Variants in IQCH observed in about 807,000 individuals in gnomAD.
IQCH encodes the protein IQ motif containing H.
IQCH carries 98 observed loss-of-function variants against 117.0 expected under a neutral mutation model. That is an observed-to-expected ratio of 0.84 (90% CI 0.71 to 0.99). IQCH has a LOEUF of 0.99. IQCH is among the 50% of genes least tolerant of loss of function. IQCH has a pLI of 0.00. For synonymous variants in IQCH, 412 were observed against 448.2 expected (o/e 0.92, Z 1.02); for missense variants, 1,102 against 1,243.8 (o/e 0.89, Z 1.72).
At position 67,426,321 on chromosome 15, in the gene IQCH, C is replaced by A. The variant is rs1284332468; in HGVS notation, c.2505+4744C>A. 6.6e-6 allele frequency among the ~76,000 whole-genome samples: 1 copy of A among 152,182 alleles called. No homozygotes were observed. Among genetic ancestry groups the A allele is most frequent in the African/African-American group, 2.4e-5 (1 of 41,450 alleles). ...TGTGCATCTATAACTATTTCTATAT[C>A]TATCAAGTGTTTATATTATAAAACC... On this transcript the variant is annotated intron_variant, in intron 16 of 20. Transcript: ENST00000335894. This position sits in a 1 kb window ranked among gnomAD's most constrained non-coding sequence, Gnocchi z 5.1.
chr15:67,269,260 C>T (rs67872952), intron 3 of IQCH, among the ~76,000 whole-genome samples: 34,804 of 152,064 alleles, frequency 0.23, 4,460 homozygotes, highest in East Asian at 0.47. Context: ...CACTATAATA[C>T]TCAGTGCTAA....
intron 4 of IQCH, among the ~76,000 whole-genome samples, chr15:67,310,223 A>C (rs1211934217): frequency 1.3e-5 from 2 of 152,132 alleles, no homozygotes; most frequent in Non-Finnish European, 2.9e-5. Context: ...ATAAAGAAGA[A>C]TACCTACATA....
chr15:67,468,106 G>C (rs1567213441), intron 17 of IQCH, among the ~76,000 whole-genome samples: 1 of 152,206 alleles, frequency 6.6e-6, no homozygotes, highest in Non-Finnish European at 1.5e-5. Flanking sequence ...TCGCCTAACA[G>C]TGTTTTAACT....
intron 4 of IQCH, among the ~76,000 whole-genome samples, chr15:67,318,974 C>G: frequency 6.6e-6 from 1 of 152,192 alleles, no homozygotes; most frequent in East Asian, 1.9e-4. Flanking sequence ...CGCCTGTAAT[C>G]CCAGCACTTT....
intron 14 of IQCH, among the ~76,000 whole-genome samples, chr15:67,409,440 G>A (rs1405599565): frequency 1.3e-5 from 2 of 152,152 alleles, no homozygotes; most frequent in South Asian, 2.1e-4. Context: ...GTTTGTGGTC[G>A]GGGGCAAAGC....
Position 67,490,806 on chromosome 15 carries a change from C to T in IQCH, c.2861+742C>T, listed in dbSNP as rs906963091. On this transcript the variant is annotated intron_variant, in intron 19 of 20. Coordinates refer to ENST00000335894, the MANE Select transcript of IQCH (RefSeq NM_001031715.3). This position sits in a 1 kb window ranked among gnomAD's most constrained non-coding sequence, Gnocchi z 4.9. ...GATCCAGTTTCAACCCGGGCGCAGT[C>T]TTCTCAAGGTACGCATGCACTGAGC... is the stretch of plus-strand genomic sequence containing the variant. Among the ~76,000 whole-genome samples the T allele has an allele frequency of 7.2e-5, 11 of 152,200 alleles. No homozygotes were observed. Among genetic ancestry groups the T allele is most frequent in the African/African-American group, 2.7e-4 (11 of 41,452 alleles).
chr15:67,371,464 A>G lies in IQCH; in HGVS notation c.754-647A>G. Reference sequence around the variant, plus strand: ...TAATCCACCTGGGACAGCCCCAGATATGTTCCTAAGAAGAAACCAGACTTA... The same window carrying G: ...TAATCCACCTGGGACAGCCCCAGATGTGTTCCTAAGAAGAAACCAGACTTA... On this transcript the variant is annotated intron_variant, in intron 8 of 20. Transcript: ENST00000335894. The G allele has an allele frequency of 5.1e-6, 8 of 1,562,766 alleles. No homozygotes were observed. In the South Asian group the frequency reaches 8.8e-5, roughly 17 times the overall value.
At chr15:67,300,835 T>G (rs76706072) in intron 4 of IQCH, among the ~76,000 whole-genome samples, 1,585 of 152,310 alleles carry the variant, frequency 0.01, 26 homozygotes, top group African/African-American at 0.037. Flanking sequence ...AACCCTAGTT[T>G]TAATAGCATA....
Position 67,431,070 on chromosome 15 carries a change from G to C in IQCH, c.2505+9493G>C, listed in dbSNP as rs1007327472. Among the ~76,000 whole-genome samples the C allele has an allele frequency of 1.3e-5, 2 of 152,170 alleles. No individual in the cohort carries two copies. The highest frequency in any genetic ancestry group is 4.8e-5 in the African/African-American group (2 of 41,422). On this transcript the variant is annotated intron_variant, in intron 16 of 20. Coordinates refer to ENST00000335894, the MANE Select transcript of IQCH (RefSeq NM_001031715.3). This position sits in a 1 kb window ranked among gnomAD's most constrained non-coding sequence, Gnocchi z 4.8. The stretch of plus-strand genomic sequence containing the variant: ...TAGGATATGAGGAGGGTAAGAAAGA[G>C]TGTATTCCAAGTGAGAAACAGGCTC...
chr15:67,415,565 A>G (rs2081555557), intron 14 of IQCH, among the ~76,000 whole-genome samples: 1 of 152,168 alleles, frequency 6.6e-6, no homozygotes, highest in Non-Finnish European at 1.5e-5. Flanking sequence ...GTGGGTTGTC[A>G]GTGGGCACTG....
At chr15:67,321,806 T>C (rs1968147447) in intron 4 of IQCH, among the ~76,000 whole-genome samples, 1 of 152,200 alleles carries the variant, frequency 6.6e-6, no homozygotes, top group Non-Finnish European at 1.5e-5. Flanking sequence ...TCCCTTTCCA[T>C]ATTCATATCT....
chr15:67,444,670 G>C (rs1320475289), intron 16 of IQCH, among the ~76,000 whole-genome samples: 1 of 152,118 alleles, frequency 6.6e-6, no homozygotes, highest in Non-Finnish European at 1.5e-5. Flanking sequence ...TATCTTTCTA[G>C]ATAAATGCCT....
chr15:67,268,539 T>G (rs1264312376), intron 3 of IQCH, among the ~76,000 whole-genome samples: 1 of 152,184 alleles, frequency 6.6e-6, no homozygotes, highest in South Asian at 2.1e-4. Flanking sequence ...CTATCAGAAC[T>G]GCACAGAAAT....
intron 16 of IQCH, among the ~76,000 whole-genome samples, chr15:67,437,776 T>A (rs940409808): frequency 6.6e-6 from 1 of 152,088 alleles, no homozygotes; most frequent in Admixed American, 6.5e-5. Flanking sequence ...AGCAATAGAA[T>A]TGAACAAGTA....
chr15:67,478,729 T>G (rs930127950), intron 18 of IQCH, among the ~76,000 whole-genome samples: 8 of 151,476 alleles, frequency 5.3e-5, no homozygotes, highest in Non-Finnish European at 7.4e-5. Flanking sequence ...ATCGAGACCA[T>G]CCTGGCCAAC....
At position 67,386,955 on chromosome 15, in the gene IQCH, A is replaced by G. The variant is rs1193659866; in HGVS notation, c.1457-1876A>G. 6.6e-6 allele frequency among the ~76,000 whole-genome samples: 1 copy of G among 152,176 alleles called. No homozygotes were observed. The highest frequency in any genetic ancestry group is 2.4e-5 in the African/African-American group (1 of 41,428). On this transcript the variant is annotated intron_variant, in intron 11 of 20. Transcript: ENST00000335894. The surrounding 1 kb of genome is among the most constrained non-coding windows in gnomAD (Gnocchi z 5.0). ...TGATTCCTTTTATCATTTGTAACCTAGAAATTTTCTTCCCAAGAAAAAAAT... is the reference window on the plus strand; with the variant it reads ...TGATTCCTTTTATCATTTGTAACCTGGAAATTTTCTTCCCAAGAAAAAAAT...
intron 16 of IQCH, among the ~76,000 whole-genome samples, chr15:67,462,410 A>T (rs1410251575): frequency 6.6e-6 from 1 of 150,466 alleles, no homozygotes; most frequent in Non-Finnish European, 1.5e-5. Context: ...CCTGGGCGAC[A>T]GAGTGAGACT....
Position 67,476,860 on chromosome 15 carries a change from T to C in IQCH, c.2799+1042T>C, listed in dbSNP as rs1171073837. Reference sequence around the variant, plus strand: ...TTACAGCACCTCAAACATCTTAAAATATATTCATCTCCCACATTAAATATA... The same window carrying C: ...TTACAGCACCTCAAACATCTTAAAACATATTCATCTCCCACATTAAATATA... On this transcript the variant is annotated intron_variant, in intron 18 of 20. Coordinates refer to ENST00000335894, the MANE Select transcript of IQCH (RefSeq NM_001031715.3). This position sits in a 1 kb window ranked among gnomAD's most constrained non-coding sequence, Gnocchi z 4.1. Among the ~76,000 whole-genome samples the C allele has an allele frequency of 6.6e-6, 1 of 152,126 alleles. No individual in the cohort carries two copies. The highest frequency in any genetic ancestry group is 2.4e-5 in the African/African-American group (1 of 41,420).
chr15:67,484,991 G>A (rs1258861421), intron 18 of IQCH, among the ~76,000 whole-genome samples: 3 of 151,956 alleles, frequency 2.0e-5, no homozygotes, highest in African/African-American at 7.2e-5. Context: ...ATATATTGGA[G>A]TTATGAGACA....
Sources: gnomAD v4.1 joint callset for allele counts (sites outside exome capture counted in the v4.1 genomes callset) on GRCh38, gnomAD v4.1.1 for gene constraint, Gnocchi (gnomAD v3.1) non-coding constraint, MANE v1.5 for transcripts, NCBI Gene and HGNC (gene_info 2026-07-23, HGNC 2026-07-21) for gene names.